Variants in ACYP2 observed in about 807,000 individuals in gnomAD.
ACYP2 encodes acylphosphatase-2.
ACYP2 carries 12 observed loss-of-function variants against 11.2 expected under a neutral mutation model. The ratio of observed to expected loss-of-function variants is 1.08; its 90% confidence interval spans 0.69 to 1.74. The LOEUF (loss-of-function observed/expected upper bound fraction) is 1.74, where lower values mean the gene tolerates loss of function less well. ACYP2 is among the 40% of genes most tolerant of loss of function. The probability of loss-of-function intolerance (pLI) is 0.00; values close to 1 mark genes in which losing one functional copy is unlikely to be tolerated. For synonymous variants in ACYP2, 43 were observed against 32.2 expected (o/e 1.33, Z -1.13); for missense variants, 134 against 101.9 (o/e 1.31, Z -1.35).
intron 6 of ACYP2, among the ~76,000 whole-genome samples, chr2:54,273,008 T>C (rs1014336135): frequency 1.3e-5 from 2 of 152,208 alleles, no homozygotes; most frequent in Non-Finnish European, 2.9e-5. Context: ...TTTCAAAGAA[T>C]TGGGGTTAGG....
intron 6 of ACYP2, among the ~76,000 whole-genome samples, chr2:54,192,585 C>T (rs1404153262): frequency 6.6e-6 from 1 of 152,010 alleles, no homozygotes; most frequent in Non-Finnish European, 1.5e-5. Flanking sequence ...ACTTTGATGC[C>T]ACTTTGTTCA....
At chr2:54,033,922 A>T (rs1043245500) in intron 2 of ACYP2, among the ~76,000 whole-genome samples, 4 of 152,246 alleles carry the variant, frequency 2.6e-5, no homozygotes, top group Non-Finnish European at 5.9e-5. Context: ...CAAATGAATC[A>T]TAATATTTCA....
At chr2:54,243,181 C>T (rs1686804095) in intron 6 of ACYP2, among the ~76,000 whole-genome samples, 1 of 151,966 alleles carries the variant, frequency 6.6e-6, no homozygotes, top group African/African-American at 2.4e-5. Context: ...TACAATAACG[C>T]GTTTAACACT....
chr2:54,271,900 T>C (rs1401555170), intron 6 of ACYP2, among the ~76,000 whole-genome samples: 1 of 152,182 alleles, frequency 6.6e-6, no homozygotes, highest in Non-Finnish European at 1.5e-5. Context: ...TAGACATGCA[T>C]TGCTTTCTGC....
intron 4 of ACYP2, among the ~76,000 whole-genome samples, chr2:54,112,438 AAC>A (rs151232013): frequency 0.1 from 15,255 of 152,288 alleles, 1,012 homozygotes; most frequent in Middle Eastern, 0.21. Context: ...CCCTTCGAAA[AAC>A]AGTTTGGCAA....
intron 6 of ACYP2, among the ~76,000 whole-genome samples, chr2:54,291,045 C>T (rs1299987893): frequency 1.3e-5 from 2 of 152,160 alleles, no homozygotes; most frequent in Non-Finnish European, 2.9e-5. Flanking sequence ...TTCTTAACTT[C>T]CCCCTCACTC....
intron 6 of ACYP2, among the ~76,000 whole-genome samples, chr2:54,279,320 C>G (rs1374105798): frequency 2.0e-5 from 3 of 152,112 alleles, no homozygotes; most frequent in Non-Finnish European, 4.4e-5. Context: ...TGCTTGTGCA[C>G]TATAGTGACC....
At chr2:54,289,826 A>C (rs1689225003) in intron 6 of ACYP2, among the ~76,000 whole-genome samples, 1 of 151,936 alleles carries the variant, frequency 6.6e-6, no homozygotes, top group Admixed American at 6.5e-5. Context: ...GTCCATAAAG[A>C]AGGGCTTCAT....
At chr2:54,094,848 A>T (rs573589832) in intron 4 of ACYP2, among the ~76,000 whole-genome samples, 1 of 150,288 alleles carries the variant, frequency 6.7e-6, no homozygotes, top group East Asian at 2.0e-4. Context: ...AAAATATTTT[A>T]TTGTATTTTA....
intron 2 of ACYP2, among the ~76,000 whole-genome samples, chr2:53,992,552 C>T (rs1672352743): frequency 2.0e-5 from 3 of 152,080 alleles, no homozygotes; most frequent in Admixed American, 6.6e-5. Context: ...TTTTGGAGGT[C>T]GGGTGCGGTG....
At chr2:54,201,642 C>CTTTCTTTCTTTGTTTTTT (rs1553391370) in intron 6 of ACYP2, among the ~76,000 whole-genome samples, 2 of 78,254 alleles carry the variant, frequency 2.6e-5, no homozygotes, top group East Asian at 3.4e-4. Context: ...CTTTCTCTTT[C>CTTTCTTTCTTTGTTTTTT]TTTCTTTCTT....
intron 6 of ACYP2, among the ~76,000 whole-genome samples, chr2:54,199,131 A>C (rs1684643530): frequency 1.3e-5 from 2 of 152,232 alleles, no homozygotes. Context: ...ATTCTGGTTC[A>C]AAAGGCAAGC....
chr2:54,241,941 G>A (rs1686747314), intron 6 of ACYP2, among the ~76,000 whole-genome samples: 1 of 152,150 alleles, frequency 6.6e-6, no homozygotes, highest in South Asian at 2.1e-4. Context: ...TTGAACCCAG[G>A]AGGCAGAGGT....
intron 2 of ACYP2, among the ~76,000 whole-genome samples, chr2:54,006,464 T>G (rs1232858340): frequency 6.6e-6 from 1 of 151,924 alleles, no homozygotes; most frequent in East Asian, 1.9e-4. Context: ...TTTTGATTTT[T>G]TGTAGAGATG....
chr2:54,153,440 A>T (rs140790459), intron 6 of ACYP2, among the ~76,000 whole-genome samples: 2,082 of 144,158 alleles, frequency 0.014, 16 homozygotes, highest in Middle Eastern at 0.036. Context: ...TTTTTGCTCA[A>T]ATTGCCTGGG....
At chr2:54,016,639 G>A (rs1170653391) in intron 2 of ACYP2, among the ~76,000 whole-genome samples, 2 of 151,912 alleles carry the variant, frequency 1.3e-5, no homozygotes, top group Non-Finnish European at 2.9e-5. Context: ...AAACACCACA[G>A]ACTGGGTCAT....
chr2:54,156,813 C>T (rs192929828), intron 6 of ACYP2, among the ~76,000 whole-genome samples: 3 of 152,116 alleles, frequency 2.0e-5, no homozygotes, highest in African/African-American at 7.2e-5. Context: ...ATTACAGGCA[C>T]CTGCCACCCA....
chr2:54,167,773 A>G (rs1329212813), intron 6 of ACYP2, among the ~76,000 whole-genome samples: 1 of 152,220 alleles, frequency 6.6e-6, no homozygotes, highest in African/African-American at 2.4e-5. Flanking sequence ...TTGGGCTTTT[A>G]TAAACAATAA....
chr2:54,143,532 C>T (rs575127520), intron 6 of ACYP2, among the ~76,000 whole-genome samples: 108 of 152,140 alleles, frequency 7.1e-4, no homozygotes, highest in Middle Eastern at 3.4e-3. Context: ...CTCCTGGGTT[C>T]AAGCAATTCT....
Sources: gnomAD v4.1 joint callset for allele counts (sites outside exome capture counted in the v4.1 genomes callset) on GRCh38, gnomAD v4.1.1 for gene constraint, MANE v1.5 for transcripts, NCBI Gene and HGNC (gene_info 2026-07-23, HGNC 2026-07-21) for gene names.